Variants in NECAB2 observed in about 807,000 individuals in gnomAD.
The protein encoded by NECAB2 is N-terminal EF-hand calcium binding protein 2, also known as N-terminal EF-hand calcium-binding protein 2.
NECAB2 carries 68 observed loss-of-function variants against 51.9 expected under a neutral mutation model. The observed-to-expected ratio is 1.31, with a 90% CI of 1.08 to 1.60. The LOEUF (loss-of-function observed/expected upper bound fraction) is 1.60. NECAB2 is among the 40% of genes most tolerant of loss of function. The pLI is 0.00. For synonymous variants in NECAB2, 329 were observed against 203.5 expected, an observed-to-expected ratio of 1.62 and a Z score of -5.25; for missense variants, 854 against 490.3, an observed-to-expected ratio of 1.74 and a Z score of -7.00.
intron 5 of NECAB2, among the ~76,000 whole-genome samples, chr16:83,981,415 C>T (rs1016450722): frequency 1.3e-5 from 2 of 151,238 alleles, no homozygotes; most frequent in Non-Finnish European, 2.9e-5. Flanking sequence ...CTTAAGGGGT[C>T]CCCAGACAGG....
At chr16:83,986,588 T>A (rs374391029) in intron 5 of NECAB2, among the ~76,000 whole-genome samples, 98 of 152,236 alleles carry the variant, frequency 6.4e-4, no homozygotes, top group African/African-American at 2.1e-3. Context: ...TCATTACTCA[T>A]TGCAGCCTCA....
Position 83,990,526 on chromosome 16 carries a change from T to C in NECAB2, c.492T>C (p.Phe164=). 5 of 1,614,158 alleles carry C rather than the reference T, an allele frequency of 3.1e-6. No individual in the cohort carries two copies. Among genetic ancestry groups the C allele is most frequent in the Non-Finnish European group, 4.2e-6 (5 of 1,180,036 alleles). ...AGGGTGGGAGCAACGTGGACCAGTT[T>C]GTGACCCGCTTCCTCCTGAAGGAGA... ...VYEGGSNVDQ[F]VTRFLLKETA... Residue 164 remains phenylalanine, a synonymous_variant, in exon 6 of 13, where the codon TTT becomes TTC. Transcript: ENST00000305202.
At chr16:83,995,861 C>T (rs1407555104) in intron 8 of NECAB2, among the ~76,000 whole-genome samples, 1 of 152,188 alleles carries the variant, frequency 6.6e-6, no homozygotes, top group African/African-American at 2.4e-5. Flanking sequence ...GCGGGAGCGG[C>T]TCGGAGGGGA....
intron 10 of NECAB2, among the ~76,000 whole-genome samples, chr16:84,000,466 G>C (rs1049806531): frequency 6.6e-6 from 1 of 152,182 alleles, no homozygotes; most frequent in African/African-American, 2.4e-5. Context: ...CTGGGCAACA[G>C]AGTGAGACCC....
At chr16:83,989,178 TG>T (rs1197785509) in intron 5 of NECAB2, among the ~76,000 whole-genome samples, 1 of 152,210 alleles carries the variant, frequency 6.6e-6, no homozygotes, top group Non-Finnish European at 1.5e-5. Context: ...TTCGCGTGTC[TG>T]GAGTCTGTTG....
At chr16:83,996,692 ATCT>A (rs1297603418) in intron 8 of NECAB2, among the ~76,000 whole-genome samples, 3 of 151,964 alleles carry the variant, frequency 2.0e-5, no homozygotes, top group African/African-American at 4.8e-5. Context: ...GTGACTGTTG[ATCT>A]TCTGTGGGGG....
chr16:83,990,693 T>C, intron 6 of NECAB2, 63 bp downstream of exon 6: 1 of 1,581,642 alleles, frequency 6.3e-7, no homozygotes, highest in Non-Finnish European at 8.6e-7. Context: ...CGTGCCCACC[T>C]GCTGCTTGGT....
At chr16:83,980,139 G>T (rs978080539) in intron 3 of NECAB2, among the ~76,000 whole-genome samples, 1 of 152,332 alleles carries the variant, frequency 6.6e-6, no homozygotes, top group East Asian at 1.9e-4. Flanking sequence ...GGCCACCACC[G>T]TATTGGGTCC....
chr16:83,979,409 G>T (rs1207775837), intron 3 of NECAB2, among the ~76,000 whole-genome samples: 1 of 152,196 alleles, frequency 6.6e-6, no homozygotes, highest in Non-Finnish European at 1.5e-5. Context: ...GTACAGTGGT[G>T]GTTTGGACCA....
chr16:83,984,006 T>G (rs2151091099), intron 5 of NECAB2, among the ~76,000 whole-genome samples: 1 of 150,504 alleles, frequency 6.6e-6, no homozygotes, highest in African/African-American at 2.4e-5. Context: ...GTTTTTTTTT[T>G]TTTTTTTTTG....
chr16:83,969,961 C>G (rs959213218), intron 1 of NECAB2, among the ~76,000 whole-genome samples: 13 of 152,164 alleles, frequency 8.5e-5, no homozygotes, highest in African/African-American at 3.1e-4. Flanking sequence ...GCAGGGGGAG[C>G]TCTAGAGTGC....
intron 5 of NECAB2, among the ~76,000 whole-genome samples, chr16:83,982,853 T>G (rs989937357): frequency 6.6e-5 from 10 of 152,002 alleles, no homozygotes; most frequent in East Asian, 1.9e-4. Flanking sequence ...TTCCTTTTTT[T>G]TTGTTTTCTT....
intron 1 of NECAB2, chr16:83,971,794 G>A (rs768734597): frequency 9.0e-5 from 39 of 433,020 alleles, no homozygotes; most frequent in East Asian, 2.2e-4. Flanking sequence ...GATTCGGAGT[G>A]TGGTTGTGTG....
chr16:83,971,475 C>G (rs952209525), intron 1 of NECAB2: 1 of 152,370 alleles, frequency 6.6e-6, no homozygotes, highest in Non-Finnish European at 1.5e-5. Context: ...CTCTGTCCCA[C>G]GGATTCAGAT....
chr16:83,983,357 T>A (rs2084512801), intron 5 of NECAB2, among the ~76,000 whole-genome samples: 1 of 152,202 alleles, frequency 6.6e-6, no homozygotes, highest in South Asian at 2.1e-4. Context: ...GGCATTTCTC[T>A]CATGTTCTAA....
chr16:84,002,469 G>C lies in NECAB2; in HGVS notation c.*123G>C. 7.5e-7 allele frequency: 1 copy of C among 1,328,196 alleles called. No homozygotes were observed. The allele number at this position is 1,328,196 out of a possible 1,614,324, so 82.3% of individuals were successfully genotyped here. On this transcript the variant is annotated 3_prime_UTR_variant, in exon 13 of 13. Coordinates refer to ENST00000305202, the MANE Select transcript of NECAB2 (RefSeq NM_019065.3). Reference sequence around the variant, plus strand: ...TTTTCAATCCATCCTCCACAAGAAGGTGTTTCCCTGTTGTTAAGTGAAGGA... The same window carrying C: ...TTTTCAATCCATCCTCCACAAGAAGCTGTTTCCCTGTTGTTAAGTGAAGGA...
chr16:83,998,295 A>G lies in NECAB2; in HGVS notation c.940A>G (p.Thr314Ala), dbSNP rs141781548. Reference sequence around the variant, plus strand: ...TCTGCGCCAGTATCTGCGGGGGACCACTGGCGTGAGGAACTGCTTCCAGTG... The same window carrying G: ...TCTGCGCCAGTATCTGCGGGGGACCGCTGGCGTGAGGAACTGCTTCCAGTG... ...DSLRQYLRGT[T>A]GVRNCFHITA... is the part of the protein sequence containing the mutation. The change falls in exon 10 of 13, where the codon ACT (threonine) becomes GCT (alanine). Residue 314 changes from threonine (T) to alanine (A), a missense_variant. By Grantham distance (58) the Thr-to-Ala change is moderately conservative (BLOSUM62 0). Transcript: ENST00000305202. 1,353 of 1,613,550 alleles carry G rather than the reference A, an allele frequency of 8.4e-4. 13 individuals carry two copies. In the African/African-American group the frequency reaches 0.015, roughly 18 times the overall value.
chr16:83,999,273 G>T (rs1035240756), intron 10 of NECAB2, among the ~76,000 whole-genome samples: 1 of 152,150 alleles, frequency 6.6e-6, no homozygotes, highest in African/African-American at 2.4e-5. Context: ...CAGGATGGGG[G>T]GGCAGGACCC....
rs781402790 is a variant in NECAB2 at position 83,994,357 on chromosome 16, A to T, written c.652A>T (p.Thr218Ser). 2.5e-6 allele frequency: 4 copies of T among 1,613,526 alleles called. No individual in the cohort carries two copies. The highest frequency in any genetic ancestry group is 3.3e-5 in the Admixed American group (2 of 59,950). ...GGCACAGACCTGGTGTGGAAGCCCCACTCCCGCCTCTGCCCCCAACCACAA... is the reference window on the plus strand; with the variant it reads ...GGCACAGACCTGGTGTGGAAGCCCCTCTCCCGCCTCTGCCCCCAACCACAA... The part of the protein sequence containing the change: ...SAAQTWCGSP[T>S]PASAPNHKLM... Residue 218 changes from threonine (T) to serine (S), a missense_variant, in exon 7 of 13, where the codon ACT becomes TCT. Physicochemically the swap from Thr to Ser is moderately conservative, Grantham distance 58 (BLOSUM62 1). Coordinates refer to ENST00000305202, the MANE Select transcript of NECAB2 (RefSeq NM_019065.3).
Sources: gnomAD v4.1 joint callset for allele counts (sites outside exome capture counted in the v4.1 genomes callset) on GRCh38, gnomAD v4.1.1 for gene constraint, MANE v1.5 for transcripts, NCBI Gene and HGNC (gene_info 2026-07-23, HGNC 2026-07-21) for gene names.